The following ITGA4 variants were observed in gnomAD, a reference collection of about 807,000 sequenced individuals.
ITGA4 encodes integrin alpha-4.
In ITGA4, 63 loss-of-function variants were observed where a neutral mutation model predicts 133.6. That is an observed-to-expected ratio of 0.47 (90% CI 0.38 to 0.58). ITGA4 has a LOEUF of 0.58. ITGA4 is among the 20% of genes least tolerant of loss of function. The pLI is 0.00. For missense variants in ITGA4, 1,076 were observed against 1,252.7 expected, an observed-to-expected ratio of 0.86 and a Z score of 2.13; for synonymous variants, 483 against 438.0, an observed-to-expected ratio of 1.10 and a Z score of -1.28.
At chr2:181,486,904 T>C (rs1685933666) in intron 10 of ITGA4, among the ~76,000 whole-genome samples, 7 of 152,136 alleles carry the variant, frequency 4.6e-5, no homozygotes, top group Admixed American at 4.6e-4. Context: ...TTCTCAGAGA[T>C]TAAAGTGCTG....
At chr2:181,498,813 A>G in intron 15 of ITGA4, 36 bp downstream of exon 15, 1 of 1,550,052 alleles carries the variant, frequency 6.5e-7, no homozygotes, top group Non-Finnish European at 8.7e-7. Context: ...GAATATGTGA[A>G]CTTCAACGTT....
intron 2 of ITGA4, among the ~76,000 whole-genome samples, chr2:181,467,635 G>A (rs1361333254): frequency 1.3e-5 from 2 of 152,104 alleles, no homozygotes; most frequent in Non-Finnish European, 2.9e-5. Flanking sequence ...TTGAACAAGT[G>A]AAAGTCGATT....
In ITGA4 at chr2:181,531,702, T is replaced by C. The variant is rs200314822; in HGVS notation, c.2710T>C (p.Phe904Leu). Residue 904 changes from phenylalanine (F) to leucine (L), a missense_variant, in exon 25 of 28, where the codon TTT becomes CTT. Phe to Leu is a conservative substitution (Grantham distance 22). This residue lies in a region of ITGA4 where 193 missense variants were observed against 172.3 expected (regional missense o/e 1.12). Transcript: ENST00000397033. ...DPHCLNFLCN[F>L]GKMESGKEAS... is the part of the protein sequence containing the mutation. ...ACATTGTTTAAATTTCTTGTGTAAT[T>C]TTGGGAAAATGGAAAGTGGAAAAGA... The C allele has an allele frequency of 3.7e-5, 60 of 1,605,584 alleles. No individual in the cohort carries two copies. The highest frequency in any genetic ancestry group is 4.9e-5 in the Non-Finnish European group (58 of 1,174,004).
In ITGA4 at chr2:181,496,873, C is replaced by T. The variant is rs547136811; in HGVS notation, c.1540+936C>T. Among the ~76,000 whole-genome samples, 24 of 152,236 alleles carry T rather than the reference C, an allele frequency of 1.6e-4. No homozygotes were observed. The South Asian group carries it at 1.7e-3, about 11-fold the overall frequency. On this transcript the variant is annotated intron_variant, in intron 14 of 27. Transcript: ENST00000397033. ...ACCCTGCAGGCTGCTGTTATCTAAA[C>T]ATCGTGAAGGGCCCACATACTTATT...
At chr2:181,502,820 T>TC (rs774110306) in intron 15 of ITGA4, among the ~76,000 whole-genome samples, 67 of 152,210 alleles carry the variant, frequency 4.4e-4, no homozygotes, top group Non-Finnish European at 8.4e-4. Flanking sequence ...GTGTTTTTTT[T>TC]CCCAGTCACA....
In ITGA4 at chr2:181,535,553, GA is replaced by G; in HGVS notation, c.*30del. The stretch of plus-strand genomic sequence containing the variant: ...GGACTTCTTTCAAATTGAGAGAATG[GA>G]AAACAGACTCAGGTTGTAGTAAAGA... On this transcript the variant is annotated 3_prime_UTR_variant, in exon 28 of 28. Coordinates refer to ENST00000397033, the MANE Select transcript of ITGA4 (RefSeq NM_000885.6). 6.4e-7 allele frequency: 1 copy of G among 1,574,540 alleles called. No homozygotes were observed. The highest frequency in any genetic ancestry group is 1.2e-5 in the South Asian group (1 of 83,228).
chr2:181,457,895 C>A, intron 1 of ITGA4, 44 bp downstream of exon 1: 1 of 1,529,918 alleles, frequency 6.5e-7, no homozygotes, highest in Non-Finnish European at 8.9e-7. Context: ...CTCAGAGCGG[C>A]GTGAGAATGG....
In ITGA4 at chr2:181,537,012, A is replaced by AGGAATGTTCTGAGATTT. The variant is rs1687155021; in HGVS notation, c.*1487_*1503dup. 1 of 447,108 alleles carries AGGAATGTTCTGAGATTT rather than the reference A, an allele frequency of 2.2e-6. No homozygotes were observed. Among genetic ancestry groups the AGGAATGTTCTGAGATTT allele is most frequent in the Non-Finnish European group, 4.5e-6 (1 of 223,666 alleles). 27.7% of individuals were successfully genotyped at this position (447,108 alleles called of 1,614,324 possible). On this transcript the variant is annotated 3_prime_UTR_variant, in exon 28 of 28. Transcript: ENST00000397033. ...TGTTCACAGGCCTGCAGTGATGGTG[A>AGGAATGTTCTGAGATTT]GGAATGTTCTGAGATTTGCGAAGGC...
intron 26 of ITGA4, among the ~76,000 whole-genome samples, 178 bp downstream of exon 26, chr2:181,534,548 A>G (rs546567016): frequency 3.9e-5 from 6 of 152,272 alleles, no homozygotes; most frequent in Non-Finnish European, 7.4e-5. Flanking sequence ...AGGGAACAAT[A>G]CAGCAGTTCT....
At chr2:181,498,281 T>A (rs1686197281) in intron 14 of ITGA4, 1 of 158,586 alleles carries the variant, frequency 6.3e-6, no homozygotes, top group South Asian at 1.9e-4. Flanking sequence ...GTCAATGTTC[T>A]GAGAAAAAAA....
At chr2:181,484,427 G>T (rs1240546320) in intron 9 of ITGA4, among the ~76,000 whole-genome samples, 3 of 152,244 alleles carry the variant, frequency 2.0e-5, no homozygotes, top group Admixed American at 6.5e-5. Flanking sequence ...CAGAGCCATT[G>T]CATTGTCTTA....
rs918920066 is a variant in ITGA4 at position 181,538,703 on chromosome 2, T to G, written c.*3176T>G. Among the ~76,000 whole-genome samples the G allele has an allele frequency of 1.3e-5, 2 of 152,060 alleles. No individual in the cohort carries two copies. Among genetic ancestry groups the G allele is most frequent in the African/African-American group, 4.8e-5 (2 of 41,406 alleles). ...CAAAACATGTTACAGTAATTATGAG[T>G]GAGAGGAAACTAAGATGGAAGGATA... On this transcript the variant is annotated 3_prime_UTR_variant, in exon 28 of 28. Transcript: ENST00000397033.
chr2:181,480,180 G>T lies in ITGA4; in HGVS notation c.668G>T (p.Gly223Val). Residue 223 changes from glycine (G) to valine (V), a missense_variant, in exon 6 of 28, where the codon GGC becomes GTC. Around this residue, in one of 4 missense-constraint regions of ITGA4, gnomAD observed 436 missense variants for 590.7 expected, o/e 0.74. Coordinates refer to ENST00000397033, the MANE Select transcript of ITGA4 (RefSeq NM_000885.6). ...GCCCCAGGATCATCTTACTGGACTG[G>T]CTCTCTTTTTGTCTACAATATAACT... ...MGAPGSSYWTGSLFVYNITTN... is the reference protein window; with the variant it reads ...MGAPGSSYWTVSLFVYNITTN... The T allele has an allele frequency of 1.3e-6, 2 of 1,561,558 alleles. No homozygotes were observed. Among genetic ancestry groups the T allele is most frequent in the South Asian group, 1.2e-5 (1 of 82,172 alleles).
intron 20 of ITGA4, 54 bp downstream of exon 20, chr2:181,524,304 G>C (rs185339832): frequency 9.0e-6 from 9 of 1,002,286 alleles, no homozygotes; most frequent in African/African-American, 7.3e-5. Flanking sequence ...TATTCTGAGG[G>C]GGGGGAATTA....
At position 181,525,185 on chromosome 2, in the gene ITGA4, G is replaced by T. The variant is rs1362750213; in HGVS notation, c.2250-17G>T. 2 of 1,478,662 alleles carry T rather than the reference G, an allele frequency of 1.4e-6. No homozygotes were observed. The highest frequency in any genetic ancestry group is 2.3e-5 in the South Asian group (2 of 88,100). The allele number at this position is 1,478,662 out of a possible 1,614,324, so 91.6% of individuals were successfully genotyped here. A position where few individuals can be genotyped will look rare whatever the true frequency, so the allele number is the denominator to read the frequency against. On this transcript the variant is annotated splice_polypyrimidine_tract_variant and intron_variant, in intron 20 of 27. Coordinates refer to ENST00000397033, the MANE Select transcript of ITGA4 (RefSeq NM_000885.6). ...TCTGCTTGGTGAATTCTAACAGGGT[G>T]TTTTCTGTTTGTATAGTGAAAATGA...
chr2:181,526,651 G>A (rs1420632911), intron 21 of ITGA4, among the ~76,000 whole-genome samples: 2 of 151,740 alleles, frequency 1.3e-5, no homozygotes, highest in Non-Finnish European at 2.9e-5. Flanking sequence ...GAGAACCTTA[G>A]GAAAAAACTA....
intron 25 of ITGA4, among the ~76,000 whole-genome samples, chr2:181,532,638 A>G (rs528914760): frequency 6.6e-6 from 1 of 152,116 alleles, no homozygotes; most frequent in Non-Finnish European, 1.5e-5. Context: ...AAGCTTAAGG[A>G]GTTTTGGGGC....
chr2:181,509,970 C>T, intron 16 of ITGA4, 163 bp downstream of exon 16: 2 of 552,714 alleles, frequency 3.6e-6, no homozygotes, highest in South Asian at 4.6e-5. Flanking sequence ...TTTATATTCC[C>T]TTTAGGATAT....
intron 10 of ITGA4, among the ~76,000 whole-genome samples, chr2:181,490,896 A>G (rs1402425225): frequency 6.6e-6 from 1 of 152,230 alleles, no homozygotes; most frequent in Non-Finnish European, 1.5e-5. Context: ...GAATGAAATA[A>G]AATGTTCAGA....
Sources: allele counts gnomAD v4.1 joint callset (sites outside exome capture counted in the v4.1 genomes callset), GRCh38; gene constraint gnomAD v4.1.1; regional missense constraint gnomAD v4.1.1; transcripts MANE v1.5; gene names NCBI Gene and HGNC (gene_info 2026-07-23, HGNC 2026-07-21).